BMP6: variants seen among roughly 807,000 people sequenced by gnomAD.
The protein encoded by BMP6 is VG-1-R.
In BMP6, 17 loss-of-function variants were observed where a neutral mutation model predicts 54.1. The observed-to-expected ratio is 0.31, with a 90% CI of 0.22 to 0.47. BMP6 has a LOEUF of 0.47. BMP6 is among the 20% of genes least tolerant of loss of function. The pLI is 1.00. For synonymous variants in BMP6, 328 were observed against 291.2 expected, an observed-to-expected ratio of 1.13 and a Z score of -1.28; for missense variants, 720 against 690.4, an observed-to-expected ratio of 1.04 and a Z score of -0.48.
At chr6:7,763,952 C>G (rs1026168875) in intron 1 of BMP6, among the ~76,000 whole-genome samples, 11 of 152,132 alleles carry the variant, frequency 7.2e-5, no homozygotes, top group African/African-American at 2.2e-4. Context: ...TTGGATCAAG[C>G]GTATGTGTCC....
At position 7,823,552 on chromosome 6, in the gene BMP6, T is replaced by C. The variant is rs78318945; in HGVS notation, c.665-21588T>C. On this transcript the variant is annotated intron_variant, in intron 1 of 6. Transcript: ENST00000283147. Reference sequence around the variant, plus strand: ...GATAGTGACCAATGCTATGGAGACATGTATTTTAAAAAGCAGGCATTTTAA... The same window carrying C: ...GATAGTGACCAATGCTATGGAGACACGTATTTTAAAAAGCAGGCATTTTAA... 8.3e-3 allele frequency among the ~76,000 whole-genome samples: 1,262 copies of C among 152,278 alleles called. 24 individuals carry two copies. The highest frequency in any genetic ancestry group is 0.029 in the African/African-American group (1,221 of 41,554).
At chr6:7,800,067 G>A (rs559326679) in intron 1 of BMP6, among the ~76,000 whole-genome samples, 1 of 145,146 alleles carries the variant, frequency 6.9e-6, no homozygotes, top group East Asian at 2.1e-4. Flanking sequence ...GTGTTATTAC[G>A]ATAAAGGAAG....
intron 1 of BMP6, among the ~76,000 whole-genome samples, chr6:7,813,149 A>ATATATATATATATAT (rs1333428977): frequency 1.0e-4 from 11 of 107,874 alleles, no homozygotes; most frequent in South Asian, 3.3e-4. Context: ...ATATATATAT[A>ATATATATATATATAT]AAATTAGTGG....
intron 1 of BMP6, among the ~76,000 whole-genome samples, chr6:7,832,561 A>G (rs907426946): frequency 6.6e-6 from 1 of 152,114 alleles, no homozygotes. Flanking sequence ...CAAATGGACT[A>G]AGACAATTAC....
At chr6:7,796,908 G>A (rs907601404) in intron 1 of BMP6, among the ~76,000 whole-genome samples, 1 of 152,018 alleles carries the variant, frequency 6.6e-6, no homozygotes, top group African/African-American at 2.4e-5. Context: ...TGGATAATTC[G>A]TTCTGTTTCC....
intron 1 of BMP6, among the ~76,000 whole-genome samples, chr6:7,829,556 A>AT (rs1193147843): frequency 1.3e-5 from 2 of 152,288 alleles, no homozygotes; most frequent in East Asian, 3.9e-4. Context: ...AATAAAAAAC[A>AT]TTAGCTATGC....
intron 1 of BMP6, among the ~76,000 whole-genome samples, chr6:7,777,921 G>A (rs1259841596): frequency 2.0e-5 from 3 of 151,956 alleles, no homozygotes; most frequent in Non-Finnish European, 4.4e-5. Flanking sequence ...GTTTTCTTTG[G>A]CTTAAGGAAT....
intron 1 of BMP6, among the ~76,000 whole-genome samples, chr6:7,728,160 G>A (rs987461964): frequency 6.6e-6 from 1 of 152,022 alleles, no homozygotes; most frequent in African/African-American, 2.4e-5. Context: ...GGTATCCACG[G>A]CACTAGGGGA....
intron 1 of BMP6, among the ~76,000 whole-genome samples, chr6:7,807,543 T>A (rs1256740229): frequency 5.3e-5 from 8 of 152,154 alleles, no homozygotes. Context: ...CCTCCCAAAG[T>A]GCTGGGATCA....
chr6:7,862,323 C>T lies in BMP6; in HGVS notation c.1029C>T (p.Ala343=), dbSNP rs61733611. 56,975 of 1,614,150 alleles carry T rather than the reference C, an allele frequency of 0.035. 1,176 individuals are homozygous for T. Among genetic ancestry groups the T allele is most frequent in the Middle Eastern group, 0.063 (380 of 6,056 alleles). ...TRDGVHVHPR[A]AGLVGRDGPY... The stretch of plus-strand genomic sequence containing the variant: ...AAGGAGTCCACGTCCACCCCCGAGC[C>T]GCAGGCCTGGTGGGCAGAGACGGCC... The change falls in exon 4 of 7, where the codon GCC becomes GCT. Residue 343 remains alanine (A), a synonymous_variant. Transcript: ENST00000283147.
intron 2 of BMP6, among the ~76,000 whole-genome samples, chr6:7,860,693 C>T (rs994453202): frequency 1.3e-5 from 2 of 152,048 alleles, no homozygotes; most frequent in Non-Finnish European, 2.9e-5. Flanking sequence ...CATCCACCCT[C>T]GGCTACACAG....
intron 1 of BMP6, among the ~76,000 whole-genome samples, chr6:7,824,569 T>A (rs190007133): frequency 6.6e-6 from 1 of 152,336 alleles, no homozygotes; most frequent in East Asian, 1.9e-4. Flanking sequence ...AGTCTATTTG[T>A]AGTGTATTTT....
At chr6:7,814,835 G>C (rs115040982) in intron 1 of BMP6, among the ~76,000 whole-genome samples, 18 of 152,260 alleles carry the variant, frequency 1.2e-4, no homozygotes, top group Non-Finnish European at 2.4e-4. Context: ...AGGCAGGGGA[G>C]GGGGAGAGCA....
Position 7,846,093 on chromosome 6 carries a change from T to G in BMP6, c.857+761T>G, listed in dbSNP as rs1759057290. Among the ~76,000 whole-genome samples the G allele has an allele frequency of 2.0e-5, 3 of 152,174 alleles. No individual in the cohort carries two copies. The South Asian group carries it at 6.2e-4, about 32-fold the overall frequency. ...AGTAAGTCAGTGAGAATCAAGGCCTTTATGCATAGTAGAATAGTGTTACCG... is the reference window on the plus strand; with the variant it reads ...AGTAAGTCAGTGAGAATCAAGGCCTGTATGCATAGTAGAATAGTGTTACCG... On this transcript the variant is annotated intron_variant, in intron 2 of 6. Coordinates refer to ENST00000283147, the MANE Select transcript of BMP6 (RefSeq NM_001718.6).
intron 2 of BMP6, among the ~76,000 whole-genome samples, chr6:7,860,368 C>T (rs532502223): frequency 4.6e-5 from 7 of 152,254 alleles, no homozygotes; most frequent in Non-Finnish European, 7.4e-5. Flanking sequence ...TGAGTCTTTC[C>T]ATGGCCAAAA....
chr6:7,868,442 G>A (rs573093650), intron 4 of BMP6, among the ~76,000 whole-genome samples: 9 of 152,314 alleles, frequency 5.9e-5, no homozygotes, highest in African/African-American at 2.2e-4. Flanking sequence ...TTCAATGGCT[G>A]TATTGATTCT....
chr6:7,781,203 A>C (rs1197902445), intron 1 of BMP6, among the ~76,000 whole-genome samples: 1 of 152,116 alleles, frequency 6.6e-6, no homozygotes, highest in Non-Finnish European at 1.5e-5. Context: ...ATCCTCACCA[A>C]ATTTCTGCAA....
At chr6:7,843,437 TTC>T (rs750902672) in intron 1 of BMP6, among the ~76,000 whole-genome samples, 17 of 150,140 alleles carry the variant, frequency 1.1e-4, no homozygotes, top group Non-Finnish European at 2.5e-4. Context: ...TTCTTTTCTT[TTC>T]TTTCTTTTTT....
intron 1 of BMP6, among the ~76,000 whole-genome samples, chr6:7,827,478 T>C (rs1424498422): frequency 6.6e-6 from 1 of 152,242 alleles, no homozygotes; most frequent in Non-Finnish European, 1.5e-5. Context: ...GGTCACTTTA[T>C]TGTTCCTTGT....
Sources: gnomAD v4.1 joint callset for allele counts (sites outside exome capture counted in the v4.1 genomes callset) on GRCh38, gnomAD v4.1.1 for gene constraint, MANE v1.5 for transcripts, NCBI Gene and HGNC (gene_info 2026-07-23, HGNC 2026-07-21) for gene names.